The following CTNNA1 variants were observed in gnomAD, a reference collection of about 807,000 sequenced individuals.
The protein encoded by CTNNA1 is catenin alpha-1.
In CTNNA1, 37 loss-of-function variants were observed where a neutral mutation model predicts 98.4. The observed-to-expected ratio is 0.38, with a 90% CI of 0.29 to 0.49. CTNNA1 has a LOEUF of 0.49. CTNNA1 is among the 20% of genes least tolerant of loss of function. CTNNA1 has a pLI of 0.95. For synonymous variants in CTNNA1, 404 were observed against 413.2 expected (o/e 0.98, Z 0.27); for missense variants, 761 against 1,147.2 (o/e 0.66, Z 4.86).
chr5:138,870,339 G>A (rs1412236209), intron 7 of CTNNA1: 1 of 152,142 alleles, frequency 6.6e-6, no homozygotes. Flanking sequence ...TAAAAAGGGA[G>A]GTTTTTGCTT....
intron 1 of CTNNA1, among the ~76,000 whole-genome samples, chr5:138,765,571 T>C (rs1284787887): frequency 2.0e-5 from 3 of 152,210 alleles, no homozygotes; most frequent in African/African-American, 7.2e-5. Context: ...TGCTGTGTGC[T>C]GGAGGGATGT....
At chr5:138,918,217 C>T (rs189956587) in intron 11 of CTNNA1, among the ~76,000 whole-genome samples, 12 of 151,892 alleles carry the variant, frequency 7.9e-5, no homozygotes, top group Admixed American at 2.0e-4. Context: ...CAACTGGGAC[C>T]GGTAGAACAC....
intron 11 of CTNNA1, 129 bp from the exon 12 acceptor site, chr5:138,924,381 G>T: frequency 1.3e-6 from 1 of 786,598 alleles, no homozygotes; most frequent in Non-Finnish European, 2.1e-6. Flanking sequence ...TCTCTCCAAT[G>T]AAGTATATGT....
In CTNNA1 at chr5:138,930,673, C is replaced by A. The variant is rs752957815; in HGVS notation, c.2192+19C>A. 1 of 1,605,360 alleles carries A rather than the reference C, an allele frequency of 6.2e-7. No homozygotes were observed. Among genetic ancestry groups the A allele is most frequent in the African/African-American group, 1.3e-5 (1 of 74,922 alleles). ...TTACCCGGTGAGCAGCACCCCGGCC[C>A]CACCAGGCTGCACAGGGGCTACTTT... is the stretch of plus-strand genomic sequence containing the variant. On this transcript the variant is annotated intron_variant, in intron 15 of 17. Coordinates refer to ENST00000302763, the MANE Select transcript of CTNNA1 (RefSeq NM_001903.5).
At chr5:138,769,356 T>A (rs1753271866) in intron 1 of CTNNA1, among the ~76,000 whole-genome samples, 1 of 151,416 alleles carries the variant, frequency 6.6e-6, no homozygotes, top group South Asian at 2.1e-4. Flanking sequence ...TTTTAAATTT[T>A]TATTTTTATT....
At chr5:138,776,773 C>T (rs1167985653) in intron 1 of CTNNA1, among the ~76,000 whole-genome samples, 8 of 148,858 alleles carry the variant, frequency 5.4e-5, no homozygotes, top group South Asian at 2.1e-4. Flanking sequence ...CCTCACCTCC[C>T]GGACGGGGCG....
rs554717754 is a variant in CTNNA1, at chr5:138,832,249, CT to C, written c.1062+4532del. On this transcript the variant is annotated intron_variant, in intron 7 of 17. Coordinates refer to ENST00000302763, the MANE Select transcript of CTNNA1 (RefSeq NM_001903.5). ...TAGTCTTGGCTCTACAACTAACTTA[CT>C]ATACGGACTCTAAGGAAATATTGAC... Among the ~76,000 whole-genome samples, 85 of 152,290 alleles carry C rather than the reference CT, an allele frequency of 5.6e-4. 1 individual carries two copies. Among genetic ancestry groups the C allele is most frequent in the African/African-American group, 2.0e-3 (85 of 41,558 alleles).
In CTNNA1 at chr5:138,791,337, G is replaced by A. The variant is rs1375296910; in HGVS notation, c.301+7965G>A. Among the ~76,000 whole-genome samples, 4 of 151,842 alleles carry A rather than the reference G, an allele frequency of 2.6e-5. No homozygotes were observed. The South Asian group carries it at 6.2e-4, about 24-fold the overall frequency. ...AATCATCTTTTATGTAAAAAATGTC[G>A]GCCGGGTGCGGTGGCTCATGTCTGT... On this transcript the variant is annotated intron_variant, in intron 3 of 17. Coordinates refer to ENST00000302763, the MANE Select transcript of CTNNA1 (RefSeq NM_001903.5).
At chr5:138,756,657 G>A (rs1458259041) in intron 1 of CTNNA1, among the ~76,000 whole-genome samples, 2 of 152,214 alleles carry the variant, frequency 1.3e-5, no homozygotes, top group Non-Finnish European at 2.9e-5. Context: ...TACTTTTTCA[G>A]TGGGGAGAAG....
chr5:138,881,844 G>T (rs955975088), intron 7 of CTNNA1, among the ~76,000 whole-genome samples: 1 of 152,158 alleles, frequency 6.6e-6, no homozygotes, highest in Middle Eastern at 3.2e-3. Flanking sequence ...CAGACCTCCT[G>T]TTTGTTACCT....
At chr5:138,762,278 T>C (rs566977896) in intron 1 of CTNNA1, among the ~76,000 whole-genome samples, 63 of 152,272 alleles carry the variant, frequency 4.1e-4, no homozygotes, top group African/African-American at 1.4e-3. Context: ...CCCCCACATG[T>C]TGTGGGCCTG....
chr5:138,783,429 T>C (rs1326696190), intron 3 of CTNNA1, 57 bp downstream of exon 3: 1 of 1,473,830 alleles, frequency 6.8e-7, no homozygotes, highest in Non-Finnish European at 9.2e-7. Flanking sequence ...AAAATCAGTG[T>C]TTGAAGATTT....
At chr5:138,909,349 C>A (rs1252520563) in intron 10 of CTNNA1, among the ~76,000 whole-genome samples, 1 of 150,582 alleles carries the variant, frequency 6.6e-6, no homozygotes. Flanking sequence ...TTTTTTCTTT[C>A]CTCCCCCCCC....
Position 138,934,214 on chromosome 5 carries a change from C to A in CTNNA1, c.*125C>A. On this transcript the variant is annotated 3_prime_UTR_variant, in exon 18 of 18. Coordinates refer to ENST00000302763, the MANE Select transcript of CTNNA1 (RefSeq NM_001903.5). ...TCCACAGGGAAATGGGCAGACTGAA[C>A]CAGTCCAGGTGGTGAATTTTCCAAG... The A allele has an allele frequency of 1.4e-6, 1 of 701,402 alleles. No individual in the cohort carries two copies. The allele number at this position is 701,402 out of a possible 1,614,324, so 43.4% of individuals were successfully genotyped here. A position where few individuals can be genotyped will look rare whatever the true frequency, so the allele number is the denominator to read the frequency against.
chr5:138,757,028 G>A (rs561204693), intron 1 of CTNNA1, among the ~76,000 whole-genome samples: 11 of 150,680 alleles, frequency 7.3e-5, no homozygotes, highest in Admixed American at 2.7e-4. Flanking sequence ...ATGAGACCCC[G>A]CCTCTAAAAA....
chr5:138,910,589 C>T (rs1236541495), intron 10 of CTNNA1, among the ~76,000 whole-genome samples: 2 of 151,988 alleles, frequency 1.3e-5, no homozygotes, highest in Non-Finnish European at 2.9e-5. Context: ...AACATTTAAA[C>T]ATTTTAATAC....
chr5:138,756,286 C>T (rs533377079), intron 1 of CTNNA1, among the ~76,000 whole-genome samples: 1 of 152,186 alleles, frequency 6.6e-6, no homozygotes, highest in South Asian at 2.1e-4. Flanking sequence ...CCACCTCGGC[C>T]TCCCAAAGTG....
At position 138,885,471 on chromosome 5, in the gene CTNNA1, G is replaced by T. The variant is rs139398257; in HGVS notation, c.1063-741G>T. On this transcript the variant is annotated intron_variant, in intron 7 of 17. Coordinates refer to ENST00000302763, the MANE Select transcript of CTNNA1 (RefSeq NM_001903.5). ...AATCTCCACCTGGGATTTAAAAAAA[G>T]ACTTTTGTTCCTTTTCTTTCAACTG... Among the ~76,000 whole-genome samples the T allele has an allele frequency of 2.9e-3, 439 of 152,266 alleles. 3 individuals are homozygous for T. The highest frequency in any genetic ancestry group is 9.9e-3 in the African/African-American group (412 of 41,570).
At chr5:138,814,763 T>G (rs73269614) in intron 5 of CTNNA1, among the ~76,000 whole-genome samples, 1,801 of 141,702 alleles carry the variant, frequency 0.013, 36 homozygotes, top group African/African-American at 0.044. Context: ...TTTTTTTTTG[T>G]TTTTTTTTGT....
Sources: allele counts gnomAD v4.1 joint callset (sites outside exome capture counted in the v4.1 genomes callset), GRCh38; gene constraint gnomAD v4.1.1; transcripts MANE v1.5; gene names NCBI Gene and HGNC (gene_info 2026-07-23, HGNC 2026-07-21).